RNF130: variants seen among roughly 807,000 people sequenced by gnomAD.
RNF130 encodes the protein E3 ubiquitin-protein ligase RNF130.
A neutral mutation model predicts 44.6 loss-of-function variants in RNF130; 21 were observed. That is an observed-to-expected ratio of 0.47 (90% confidence interval 0.33 to 0.68). The LOEUF (loss-of-function observed/expected upper bound fraction) is 0.68. Ranked by LOEUF, RNF130 falls within the 30% of genes least tolerant of loss-of-function variation. The probability of loss-of-function intolerance (pLI) is 0.02; values close to 1 mark genes in which losing one functional copy is unlikely to be tolerated. For missense variants in RNF130, 479 were observed against 560.6 expected (o/e 0.85, Z 1.47); for synonymous variants, 214 against 210.4 (o/e 1.02, Z -0.15).
chr5:179,970,462 T>G lies in RNF130; in HGVS notation c.893A>C (p.His298Pro). The G allele has an allele frequency of 6.2e-7, 1 of 1,613,740 alleles. No individual in the cohort carries two copies. Residue 298 changes from histidine to proline, a missense_variant, in exon 6 of 9, where the codon CAT (histidine) becomes CCT (proline). Transcript: ENST00000521389. ...AAGTTTGCACATAGGACAGGTACAA[T>G]GTTCACTAAGCCAGGGATCCACGCA... ...KSCVDPWLSE[H>P]CTCPMCKLNI...
At chr5:179,941,319 G>GTA (rs1273253287) in intron 7 of RNF130, among the ~76,000 whole-genome samples, 8 of 152,308 alleles carry the variant, frequency 5.3e-5, no homozygotes, top group African/African-American at 1.9e-4. Flanking sequence ...TGGAAGTGAC[G>GTA]TATCACTTTT....
downstream of RNF130, among the ~76,000 whole-genome samples, chr5:179,951,059 T>C (rs1276026417): frequency 1.3e-5 from 2 of 152,288 alleles, no homozygotes; most frequent in Middle Eastern, 3.4e-3. Flanking sequence ...GGCTGAACTC[T>C]GGCATTGTGA....
At chr5:179,992,415 T>G (rs1763105652) in intron 3 of RNF130, among the ~76,000 whole-genome samples, 1 of 152,252 alleles carries the variant, frequency 6.6e-6, no homozygotes, top group African/African-American at 2.4e-5. Flanking sequence ...GTGCTGGGAT[T>G]ACAGGCGTGA....
intron 7 of RNF130, among the ~76,000 whole-genome samples, chr5:179,921,685 T>C (rs1043006920): frequency 6.6e-6 from 1 of 152,080 alleles, no homozygotes; most frequent in African/African-American, 2.4e-5. Context: ...TAGTCCCAGC[T>C]ACTTGGGAGG....
At chr5:179,924,570 G>C (rs1761680322) in intron 7 of RNF130, among the ~76,000 whole-genome samples, 1 of 151,980 alleles carries the variant, frequency 6.6e-6, no homozygotes, top group Admixed American at 6.6e-5. Flanking sequence ...GGCCGAGGTG[G>C]GTGGATCACC....
intron 3 of RNF130, among the ~76,000 whole-genome samples, chr5:180,011,182 C>T (rs975845087): frequency 3.9e-5 from 6 of 152,112 alleles, no homozygotes; most frequent in Non-Finnish European, 7.4e-5. Flanking sequence ...TTTTCAGAAA[C>T]GTCCATGTCA....
At chr5:179,951,930 C>T (rs1455700217), downstream of RNF130, among the ~76,000 whole-genome samples, 7 of 152,010 alleles carry the variant, frequency 4.6e-5, no homozygotes, top group Admixed American at 3.9e-4. Context: ...AAATTTATAG[C>T]TATAAACAAC....
At position 179,966,851 on chromosome 5, in the gene RNF130, C is replaced by T. The variant is rs747833953; in HGVS notation, c.1105G>A (p.Gly369Arg). 8 of 1,614,212 alleles carry T rather than the reference C, an allele frequency of 5.0e-6. No individual in the cohort carries two copies. In the South Asian group the frequency reaches 7.7e-5, roughly 16 times the overall value. ...TCTCCTGTTCTCGGAGTGAGCTCCC[C>T]ATCCTGAGGAAGAGGTGAGATCCCC... ...TSGISPLPQD[G>R]ELTPRTGEIN... Residue 369 changes from glycine to arginine, a missense_variant, in exon 7 of 9, where the codon GGG becomes AGG. Around this residue, in one of 3 missense-constraint regions of RNF130, gnomAD observed 161 missense variants for 158.6 expected, o/e 1.02. Transcript: ENST00000521389.
chr5:179,983,530 G>C (rs1349037865), intron 3 of RNF130, among the ~76,000 whole-genome samples: 1 of 152,126 alleles, frequency 6.6e-6, no homozygotes, highest in Non-Finnish European at 1.5e-5. Flanking sequence ...ATCCTGTCCT[G>C]ATTTCTGAGG....
intron 3 of RNF130, among the ~76,000 whole-genome samples, chr5:180,003,943 C>T (rs1393229362): frequency 6.6e-6 from 1 of 152,154 alleles, no homozygotes; most frequent in African/African-American, 2.4e-5. Flanking sequence ...ATACCATGTG[C>T]TAGGTACTGT....
chr5:179,980,228 A>T (rs777664446), intron 3 of RNF130, 28 bp from the exon 4 acceptor site: 1 of 1,600,354 alleles, frequency 6.2e-7, no homozygotes, highest in Non-Finnish European at 8.6e-7. Context: ...AAAAACAGAT[A>T]CTAAGTGTAA....
intron 7 of RNF130, chr5:179,964,293 T>C (rs1023553787): frequency 6.6e-6 from 1 of 152,182 alleles, no homozygotes; most frequent in Non-Finnish European, 1.5e-5. Flanking sequence ...ACAATAAGGA[T>C]GTTTACTAGA....
At chr5:180,044,964 C>G in intron 1 of RNF130, among the ~76,000 whole-genome samples, 1 of 152,180 alleles carries the variant, frequency 6.6e-6, no homozygotes, top group East Asian at 1.9e-4. Context: ...GGACGATGGT[C>G]AAGATTTAGT....
At chr5:180,025,145 C>T (rs1188006792) in intron 2 of RNF130, among the ~76,000 whole-genome samples, 2 of 152,210 alleles carry the variant, frequency 1.3e-5, no homozygotes, top group Admixed American at 1.3e-4. Context: ...ACACCTATAG[C>T]CTAAGGCTGC....
At chr5:180,004,285 C>T (rs534871574) in intron 3 of RNF130, among the ~76,000 whole-genome samples, 1 of 152,336 alleles carries the variant, frequency 6.6e-6, no homozygotes, top group East Asian at 1.9e-4. Flanking sequence ...TGATATTCTC[C>T]GTACTTCACA....
At chr5:179,921,771 C>T (rs1283757086) in intron 7 of RNF130, among the ~76,000 whole-genome samples, 3 of 150,418 alleles carry the variant, frequency 2.0e-5, no homozygotes, top group Non-Finnish European at 4.4e-5. Flanking sequence ...GCCTGTCATC[C>T]CAGCACTTTG....
intron 1 of RNF130, among the ~76,000 whole-genome samples, chr5:180,042,319 A>G (rs1764438599): frequency 6.6e-6 from 1 of 152,226 alleles, no homozygotes; most frequent in Admixed American, 6.5e-5. Context: ...CTCCTAATAC[A>G]TGAAATGGAA....
chr5:179,978,267 C>T lies in RNF130; in HGVS notation c.784G>A (p.Asp262Asn), dbSNP rs1762761334. The change falls in exon 5 of 9, where the codon GAT (aspartate) becomes AAT (asparagine). Residue 262 changes from aspartate to asparagine, a missense_variant. Physicochemically the swap from Asp to Asn is conservative, Grantham distance 23. This residue lies in a region of RNF130 where 180 missense variants were observed against 275.1 expected (regional missense o/e 0.65). Transcript: ENST00000521389. ...KGDKETDPDF[D>N]HCAVCIESYK... is the part of the protein sequence containing the mutation. The stretch of plus-strand genomic sequence containing the variant: ...CTCTCTATGCAGACTGCACAATGAT[C>T]AAAGTCTGGGTCAGTTTCCTAAAAT... The T allele has an allele frequency of 6.2e-7, 1 of 1,613,722 alleles. No homozygotes were observed. The highest frequency in any genetic ancestry group is 1.3e-5 in the African/African-American group (1 of 74,910).
At chr5:180,050,378 T>G (rs1410225010) in intron 1 of RNF130, among the ~76,000 whole-genome samples, 3 of 152,172 alleles carry the variant, frequency 2.0e-5, no homozygotes, top group Admixed American at 6.5e-5. Context: ...GAGTGTCACT[T>G]TTTTGTTCTA....
Sources: allele counts gnomAD v4.1 joint callset (sites outside exome capture counted in the v4.1 genomes callset), GRCh38; gene constraint gnomAD v4.1.1; regional missense constraint gnomAD v4.1.1; transcripts MANE v1.5; gene names NCBI Gene and HGNC (gene_info 2026-07-23, HGNC 2026-07-21).